The following RNGTT variants were observed in gnomAD, a reference collection of about 807,000 sequenced individuals.
RNGTT encodes mRNA-capping enzyme.
Under a neutral mutation model 79.3 loss-of-function variants are expected in RNGTT, and 33 were observed. The observed-to-expected ratio is 0.42, with a 90% CI of 0.32 to 0.56. The LOEUF (loss-of-function observed/expected upper bound fraction) is 0.56, where lower values mean the gene tolerates loss of function less well. Ranked by LOEUF, RNGTT falls within the 20% of genes least tolerant of loss-of-function variation. The pLI is 0.17. For synonymous variants in RNGTT, 222 were observed against 235.9 expected (o/e 0.94, Z 0.54); for missense variants, 497 against 739.1 (o/e 0.67, Z 3.80).
chr6:88,640,788 G>C (rs1198149342), intron 14 of RNGTT, among the ~76,000 whole-genome samples: 1 of 152,096 alleles, frequency 6.6e-6, no homozygotes, highest in Non-Finnish European at 1.5e-5. Flanking sequence ...TTCTGAATAT[G>C]TATTACATGT....
chr6:88,878,188 C>T (rs951077623), intron 8 of RNGTT, among the ~76,000 whole-genome samples: 9 of 151,924 alleles, frequency 5.9e-5, no homozygotes, highest in Admixed American at 2.6e-4. Flanking sequence ...CTCCGCCTCC[C>T]GGGTCCAAAC....
chr6:88,873,192 T>G (rs1782409838), intron 8 of RNGTT, among the ~76,000 whole-genome samples: 1 of 152,110 alleles, frequency 6.6e-6, no homozygotes, highest in African/African-American at 2.4e-5. Flanking sequence ...CCAGCCCACA[T>G]TCATGGAGCT....
chr6:88,735,588 A>G (rs1777260038), intron 13 of RNGTT, among the ~76,000 whole-genome samples: 2 of 151,448 alleles, frequency 1.3e-5, no homozygotes, highest in African/African-American at 4.8e-5. Flanking sequence ...AAAAAGAAAG[A>G]AAGAAAAAGA....
At chr6:88,939,130 T>C (rs1049687120) in intron 2 of RNGTT, among the ~76,000 whole-genome samples, 3 of 152,328 alleles carry the variant, frequency 2.0e-5, no homozygotes, top group Admixed American at 6.5e-5. Context: ...TTTGATCCTC[T>C]TGGATGTCTA....
chr6:88,879,511 G>A (rs1168799321), intron 8 of RNGTT, among the ~76,000 whole-genome samples: 1 of 152,130 alleles, frequency 6.6e-6, no homozygotes, highest in Non-Finnish European at 1.5e-5. Context: ...GTCACGAAGT[G>A]TATTTGTTAG....
chr6:88,849,896 G>T, intron 9 of RNGTT, 70 bp from the exon 10 acceptor site: 1 of 1,386,130 alleles, frequency 7.2e-7, no homozygotes, highest in Non-Finnish European at 9.6e-7. Context: ...ATTGAAATAT[G>T]GCATACACAC....
intron 1 of RNGTT, among the ~76,000 whole-genome samples, chr6:88,946,293 T>G (rs927912706): frequency 6.6e-6 from 1 of 152,162 alleles, no homozygotes; most frequent in Non-Finnish European, 1.5e-5. Flanking sequence ...TGGAGTGCCA[T>G]GAACAACACC....
chr6:88,874,211 A>T (rs75206349), intron 8 of RNGTT, among the ~76,000 whole-genome samples: 2,876 of 152,292 alleles, frequency 0.019, 84 homozygotes, highest in African/African-American at 0.065. Context: ...CAAGTTAAAT[A>T]TGTAAAATAC....
intron 11 of RNGTT, among the ~76,000 whole-genome samples, chr6:88,809,021 C>T (rs575992874): frequency 1.3e-5 from 2 of 151,226 alleles, no homozygotes; most frequent in East Asian, 1.9e-4. Context: ...ATAAAGAGTC[C>T]GTTAGGTATA....
At chr6:88,817,762 T>TA (rs1780364790) in intron 11 of RNGTT, among the ~76,000 whole-genome samples, 1 of 135,216 alleles carries the variant, frequency 7.4e-6, no homozygotes, top group African/African-American at 2.8e-5. Flanking sequence ...TTTTTTTTTT[T>TA]TTTTTTTTTT....
intron 12 of RNGTT, among the ~76,000 whole-genome samples, chr6:88,796,353 T>C (rs933720001): frequency 1.3e-5 from 2 of 152,158 alleles, no homozygotes; most frequent in Non-Finnish European, 2.9e-5. Flanking sequence ...ATAATTTTAC[T>C]AGGTCAAAAA....
intron 13 of RNGTT, among the ~76,000 whole-genome samples, chr6:88,734,837 T>C (rs1433770966): frequency 6.6e-6 from 1 of 152,182 alleles, no homozygotes; most frequent in East Asian, 1.9e-4. Flanking sequence ...CGACACATTA[T>C]AAAACAGGCT....
chr6:88,823,492 A>T (rs1279251665), intron 11 of RNGTT, among the ~76,000 whole-genome samples: 5 of 152,110 alleles, frequency 3.3e-5, no homozygotes, highest in African/African-American at 4.8e-5. Context: ...CAAATTACAA[A>T]GTGGGAGAAT....
chr6:88,660,832 C>T (rs1774155927), intron 14 of RNGTT, among the ~76,000 whole-genome samples: 1 of 152,188 alleles, frequency 6.6e-6, no homozygotes, highest in African/African-American at 2.4e-5. Context: ...CAGATATTTA[C>T]ACAACATTCT....
At chr6:88,944,780 A>G (rs1439169307) in intron 1 of RNGTT, among the ~76,000 whole-genome samples, 2 of 152,158 alleles carry the variant, frequency 1.3e-5, no homozygotes, top group African/African-American at 2.4e-5. Flanking sequence ...TTACTTCTCT[A>G]TAACTGTGCA....
intron 11 of RNGTT, among the ~76,000 whole-genome samples, chr6:88,812,423 GTTC>G (rs1780169801): frequency 6.6e-6 from 1 of 152,108 alleles, no homozygotes; most frequent in Admixed American, 6.5e-5. Context: ...AACAATAAAA[GTTC>G]TTTTCATCAG....
intron 13 of RNGTT, among the ~76,000 whole-genome samples, chr6:88,766,174 C>G (rs1469938242): frequency 6.6e-6 from 1 of 152,104 alleles, no homozygotes; most frequent in Non-Finnish European, 1.5e-5. Flanking sequence ...TGATGAAGAA[C>G]TTGACACACA....
In RNGTT at chr6:88,868,088, T is replaced by C. The variant is rs79738266; in HGVS notation, c.897-14324A>G. On this transcript the variant is annotated intron_variant, in intron 8 of 15. Coordinates refer to ENST00000369485, the MANE Select transcript of RNGTT (RefSeq NM_003800.5). ...AGCAACTATTCCTCAGAGTGTTCAT[T>C]TCCCTGCCTTCTGTATCACTATGGA... 4.8e-3 allele frequency among the ~76,000 whole-genome samples: 731 copies of C among 152,204 alleles called. 2 individuals carry two copies. The highest frequency in any genetic ancestry group is 0.017 in the African/African-American group (693 of 41,510).
chr6:88,688,865 T>C lies in RNGTT; in HGVS notation c.1440-10446A>G, dbSNP rs112821933. On this transcript the variant is annotated intron_variant, in intron 13 of 15. Transcript: ENST00000369485. ...ACAATGATGACAAGGATGAAGACTTTTAGGATGATCCACTCAAGTCTAATG... is the reference window on the plus strand; with the variant it reads ...ACAATGATGACAAGGATGAAGACTTCTAGGATGATCCACTCAAGTCTAATG... Among the ~76,000 whole-genome samples, 1,045 of 152,320 alleles carry C rather than the reference T, an allele frequency of 6.9e-3. 6 individuals carry two copies. The highest frequency in any genetic ancestry group is 0.023 in the African/African-American group (952 of 41,566).
Sources: gnomAD v4.1 joint callset for allele counts (sites outside exome capture counted in the v4.1 genomes callset) on GRCh38, gnomAD v4.1.1 for gene constraint, MANE v1.5 for transcripts, NCBI Gene and HGNC (gene_info 2026-07-23, HGNC 2026-07-21) for gene names.